The following PAMR1 variants were observed in gnomAD, a reference collection of about 807,000 sequenced individuals.
PAMR1 encodes the protein inactive serine protease PAMR1.
A neutral mutation model predicts 81.8 loss-of-function variants in PAMR1; 88 were observed. The ratio of observed to expected loss-of-function variants is 1.08; its 90% CI spans 0.91 to 1.28. PAMR1 has a LOEUF of 1.28. PAMR1 is among the 50% of genes most tolerant of loss of function. PAMR1 has a pLI of 0.00. For missense variants in PAMR1, 935 were observed against 919.7 expected (o/e 1.02, Z -0.21); for synonymous variants, 336 against 345.3 (o/e 0.97, Z 0.30).
chr11:35,518,107 G>C (rs947118417), intron 1 of PAMR1, among the ~76,000 whole-genome samples: 20 of 152,098 alleles, frequency 1.3e-4, no homozygotes, highest in Non-Finnish European at 2.8e-4. Context: ...ACAGGACCAG[G>C]CTTGCCCAAA....
intron 9 of PAMR1, among the ~76,000 whole-genome samples, chr11:35,435,237 C>T (rs895284099): frequency 1.3e-5 from 2 of 152,190 alleles, no homozygotes; most frequent in Non-Finnish European, 2.9e-5. Context: ...TCATATTGTT[C>T]TCCTTTCGCA....
rs1374055432 is a variant in PAMR1, at chr11:35,434,736, T to C, written c.1402A>G (p.Ile468Val). ...TGCACCCCGCTGGTCCTCCTGTAGATGGCTGCCTGCCACGGCCAGCGCAAC... is the reference window on the plus strand; with the variant it reads ...TGCACCCCGCTGGTCCTCCTGTAGACGGCTGCCTGCCACGGCCAGCGCAAC... ...QGLRWPWQAA[I>V]YRRTSGVHDG... Residue 468 changes from isoleucine to valine, a missense_variant, in exon 10 of 11, where the codon ATC becomes GTC. By Grantham distance (29) the Ile-to-Val change is conservative (BLOSUM62 3). Coordinates refer to ENST00000619888, the MANE Select transcript of PAMR1 (RefSeq NM_001001991.3). 3 of 1,614,044 alleles carry C rather than the reference T, an allele frequency of 1.9e-6. No individual in the cohort carries two copies. The highest frequency in any genetic ancestry group is 2.2e-5 in the East Asian group (1 of 44,894).
At position 35,451,950 on chromosome 11, in the gene PAMR1, A is replaced by G. The variant is rs548114755; in HGVS notation, c.821-10257T>C. 3.3e-5 allele frequency: 23 copies of G among 688,426 alleles called. 1 individual carries two copies. The South Asian group carries it at 3.5e-4, about 10-fold the overall frequency. 42.6% of individuals were successfully genotyped at this position (688,426 alleles called of 1,614,324 possible). On this transcript the variant is annotated intron_variant, in intron 6 of 10. Coordinates refer to ENST00000619888, the MANE Select transcript of PAMR1 (RefSeq NM_001001991.3). ...CCCAGCCTCCAGAACTGTGAGAAAT[A>G]AATGTTTGTTGTTTAAGTCACCCAG...
At chr11:35,501,024 T>TTATA (rs1337728875) in intron 1 of PAMR1, among the ~76,000 whole-genome samples, 1 of 152,048 alleles carries the variant, frequency 6.6e-6, no homozygotes, top group Non-Finnish European at 1.5e-5. Context: ...ACTGTAGACT[T>TTATA]TATAAACACC....
chr11:35,509,949 A>G (rs1466963235), intron 1 of PAMR1, among the ~76,000 whole-genome samples: 1 of 152,226 alleles, frequency 6.6e-6, no homozygotes, highest in Non-Finnish European at 1.5e-5. Context: ...ATGAATAAGC[A>G]CAAAGAAAAC....
chr11:35,505,314 G>C (rs1350314084), intron 1 of PAMR1, among the ~76,000 whole-genome samples: 2 of 152,066 alleles, frequency 1.3e-5, no homozygotes, highest in South Asian at 2.1e-4. Flanking sequence ...TGTGTATTCT[G>C]TAGCAACTGG....
chr11:35,447,614 A>C (rs2203656), intron 6 of PAMR1, among the ~76,000 whole-genome samples: 58,176 of 151,988 alleles, frequency 0.38, 11,792 homozygotes, highest in African/African-American at 0.52. Context: ...CATTCTGTGT[A>C]TTTTAATTGG....
chr11:35,451,857 CAAG>C (rs1565331593), intron 6 of PAMR1: 1 of 700,782 alleles, frequency 1.4e-6, no homozygotes. Context: ...GAGGATACAG[CAAG>C]AAGTCAGCAT....
Position 35,465,083 on chromosome 11 carries a change from G to A in PAMR1, c.820+2918C>T, listed in dbSNP as rs139895933. Among the ~76,000 whole-genome samples, 48 of 152,284 alleles carry A rather than the reference G, an allele frequency of 3.2e-4. 1 individual carries two copies. The highest frequency in any genetic ancestry group is 1.0e-3 in the African/African-American group (42 of 41,548). On this transcript the variant is annotated intron_variant, in intron 6 of 10. Transcript: ENST00000619888. ...TCGTGTCTGAGAGATTGTGAACTAAGTGGGAAATGTGAAATTATGGCCTCT... is the reference window on the plus strand; with the variant it reads ...TCGTGTCTGAGAGATTGTGAACTAAATGGGAAATGTGAAATTATGGCCTCT...
chr11:35,478,523 G>A (rs1275870082), intron 3 of PAMR1, among the ~76,000 whole-genome samples: 1 of 142,118 alleles, frequency 7.0e-6, no homozygotes, highest in Non-Finnish European at 1.5e-5. Flanking sequence ...TTGGAAGAAG[G>A]TATATTAGGG....
rs372433471 is a variant in PAMR1, at chr11:35,479,560, G to C, written c.380-4816C>G. 2.8e-4 allele frequency among the ~76,000 whole-genome samples: 42 copies of C among 152,284 alleles called. No homozygotes were observed. In the South Asian group the frequency reaches 8.5e-3, roughly 31 times the overall value. On this transcript the variant is annotated intron_variant, in intron 3 of 10. Coordinates refer to ENST00000619888, the MANE Select transcript of PAMR1 (RefSeq NM_001001991.3). Reference sequence around the variant, plus strand: ...TTGTTTTGGTCCAGGAATCACAGGGGACAGCTCAGGTTCTGACCCACTGCT... The same window carrying C: ...TTGTTTTGGTCCAGGAATCACAGGGCACAGCTCAGGTTCTGACCCACTGCT...
intron 6 of PAMR1, among the ~76,000 whole-genome samples, chr11:35,457,720 A>C (rs1260608462): frequency 3.3e-5 from 5 of 152,124 alleles, no homozygotes; most frequent in African/African-American, 1.2e-4. Context: ...GGAGTGAGGG[A>C]AATGAGATGG....
At chr11:35,502,020 T>C (rs1372622412) in intron 1 of PAMR1, among the ~76,000 whole-genome samples, 1 of 152,208 alleles carries the variant, frequency 6.6e-6, no homozygotes, top group Non-Finnish European at 1.5e-5. Context: ...CCATAATGGC[T>C]GCACTAATAT....
chr11:35,447,289 G>A (rs1341255217), intron 6 of PAMR1, among the ~76,000 whole-genome samples: 1 of 144,782 alleles, frequency 6.9e-6, no homozygotes, highest in Non-Finnish European at 1.5e-5. Flanking sequence ...TGCAAGCTCT[G>A]CCTCCCAGGT....
intron 6 of PAMR1, among the ~76,000 whole-genome samples, chr11:35,453,002 T>C (rs1856451646): frequency 6.6e-6 from 1 of 152,180 alleles, no homozygotes; most frequent in African/African-American, 2.4e-5. Context: ...TCAATAAATA[T>C]TTGTTGGTGG....
chr11:35,468,390 A>G lies in PAMR1; in HGVS notation c.713-282T>C, dbSNP rs113683538. Among the ~76,000 whole-genome samples, 1,281 of 152,334 alleles carry G rather than the reference A, an allele frequency of 8.4e-3. 26 individuals are homozygous for G. The highest frequency in any genetic ancestry group is 0.028 in the African/African-American group (1,183 of 41,556). ...AAGGCAATGCAAACAAGAACATTAA[A>G]TTGATGAAAGCAGAGCCATGCTTGT... On this transcript the variant is annotated intron_variant, in intron 5 of 10. Coordinates refer to ENST00000619888, the MANE Select transcript of PAMR1 (RefSeq NM_001001991.3).
At chr11:35,515,994 T>G (rs1214062106) in intron 1 of PAMR1, among the ~76,000 whole-genome samples, 1 of 152,200 alleles carries the variant, frequency 6.6e-6, no homozygotes. Flanking sequence ...CTTGTGTTAG[T>G]GAGAACAGTA....
Position 35,468,097 on chromosome 11 carries a change from A to T in PAMR1, c.724T>A (p.Ser242Thr), listed in dbSNP as rs758914329. ...IYEEITACSS[S>T]PCFHDGTCVL... ...CACGTGCCGTCATGGAAACAAGGGG[A>T]TGAGGAGCATGCTGTAAGAGAAAAG... Residue 242 changes from serine to threonine, a missense_variant, in exon 6 of 11, where the codon TCC (serine) becomes ACC (threonine). Ser to Thr is a moderately conservative substitution (Grantham distance 58, BLOSUM62 1). Transcript: ENST00000619888. The T allele has an allele frequency of 1.3e-6, 2 of 1,551,090 alleles. No homozygotes were observed. Among genetic ancestry groups the T allele is most frequent in the Non-Finnish European group, 1.7e-6 (2 of 1,145,958 alleles).
chr11:35,464,943 A>T (rs1856730412), intron 6 of PAMR1, among the ~76,000 whole-genome samples: 1 of 152,244 alleles, frequency 6.6e-6, no homozygotes. Flanking sequence ...AAAGAGAAAC[A>T]GATGAGCTTT....
Sources: gnomAD v4.1 joint callset for allele counts (sites outside exome capture counted in the v4.1 genomes callset) on GRCh38, gnomAD v4.1.1 for gene constraint, MANE v1.5 for transcripts, NCBI Gene and HGNC (gene_info 2026-07-23, HGNC 2026-07-21) for gene names.